The following MGAT4A variants were observed in gnomAD, a reference collection of about 807,000 sequenced individuals.
MGAT4A encodes the protein N-acetylglucosaminyltransferase IVa.
Under a neutral mutation model 74.1 loss-of-function variants are expected in MGAT4A, and 33 were observed. The observed-to-expected ratio is 0.45, with a 90% CI of 0.34 to 0.60. The LOEUF (loss-of-function observed/expected upper bound fraction) is 0.60, where lower values mean the gene tolerates loss of function less well. MGAT4A is among the 20% of genes least tolerant of loss of function. The pLI, the probability that MGAT4A is intolerant of heterozygous loss-of-function variation, is 0.02. For missense variants in MGAT4A, 479 were observed against 628.3 expected (o/e 0.76, Z 2.54); for synonymous variants, 198 against 210.4 (o/e 0.94, Z 0.51).
At chr2:98,668,638 G>A (rs1055724543) in intron 4 of MGAT4A, among the ~76,000 whole-genome samples, 28 of 152,304 alleles carry the variant, frequency 1.8e-4, no homozygotes, top group East Asian at 1.9e-4. Flanking sequence ...GAGGACCACC[G>A]TCCTCCAGAC....
Position 98,626,816 on chromosome 2 carries a change from T to G in MGAT4A, c.1469-981A>C, listed in dbSNP as rs376959750. Reference sequence around the variant, plus strand: ...CTATAATCAAAACTGACTGCAAATGTTCCCTTGTTATTGTTGATTGATAAT... The same window carrying G: ...CTATAATCAAAACTGACTGCAAATGGTCCCTTGTTATTGTTGATTGATAAT... On this transcript the variant is annotated intron_variant, in intron 14 of 15. Transcript: ENST00000393487. Among the ~76,000 whole-genome samples the G allele has an allele frequency of 1.9e-4, 29 of 152,318 alleles. No homozygotes were observed. In the East Asian group the frequency reaches 4.6e-3, roughly 24 times the overall value.
At chr2:98,668,818 C>T (rs1165295854) in intron 4 of MGAT4A, among the ~76,000 whole-genome samples, 2 of 152,232 alleles carry the variant, frequency 1.3e-5, no homozygotes, top group Non-Finnish European at 2.9e-5. Context: ...GTGACCTGGA[C>T]GTGAGACATG....
At chr2:98,682,174 G>C (rs193209600) in intron 2 of MGAT4A, among the ~76,000 whole-genome samples, 1,768 of 152,290 alleles carry the variant, frequency 0.012, 15 homozygotes, top group Middle Eastern at 0.027. Flanking sequence ...TGTAATCCCA[G>C]CACTTTGGGA....
In MGAT4A at chr2:98,624,336, CT is replaced by C; in HGVS notation, c.*1229del. ...GATAATTCATCATTTTTTAAAAGTACTTTTATAAAGATCACTGATTGCTGAG... is the reference window on the plus strand; with the variant it reads ...GATAATTCATCATTTTTTAAAAGTACTTTATAAAGATCACTGATTGCTGAG... On this transcript the variant is annotated 3_prime_UTR_variant, in exon 16 of 16. Coordinates refer to ENST00000393487, the MANE Select transcript of MGAT4A (RefSeq NM_012214.3). 1 of 974,748 alleles carries C rather than the reference CT, an allele frequency of 1.0e-6. No homozygotes were observed. Among genetic ancestry groups the C allele is most frequent in the Non-Finnish European group, 1.2e-6 (1 of 820,330 alleles). The allele number at this position is 974,748 out of a possible 1,614,324, so 60.4% of individuals were successfully genotyped here. A position where few individuals can be genotyped will look rare whatever the true frequency, so the allele number is the denominator to read the frequency against.
chr2:98,624,500 A>C lies in MGAT4A; in HGVS notation c.*1066T>G, dbSNP rs1022958599. 5.2e-6 allele frequency: 5 copies of C among 967,436 alleles called. No homozygotes were observed. Among genetic ancestry groups the C allele is most frequent in the South Asian group, 4.8e-5 (1 of 20,916 alleles). The allele number at this position is 967,436 out of a possible 1,614,324, so 59.9% of individuals were successfully genotyped here. Reference sequence around the variant, plus strand: ...AATCATTTTGGAAAATATACTACTAATAATATATTTCACCAAAAAACAATA... The same window carrying C: ...AATCATTTTGGAAAATATACTACTACTAATATATTTCACCAAAAAACAATA... On this transcript the variant is annotated 3_prime_UTR_variant, in exon 16 of 16. Coordinates refer to ENST00000393487, the MANE Select transcript of MGAT4A (RefSeq NM_012214.3).
chr2:98,721,143 A>T (rs575213153), intron 2 of MGAT4A, among the ~76,000 whole-genome samples: 4 of 152,382 alleles, frequency 2.6e-5, no homozygotes, highest in Admixed American at 2.6e-4. Flanking sequence ...CACAGTGTTC[A>T]AAACCAACAA....
chr2:98,621,731 C>G lies in MGAT4A; in HGVS notation c.*3835G>C. ...ATAATCTCTCCAAACGTGCTGTTTC[C>G]ACATAACCAGTCTTTTCTTTGAGGG... On this transcript the variant is annotated 3_prime_UTR_variant, in exon 16 of 16. Transcript: ENST00000393487. The G allele has an allele frequency of 8.1e-7, 1 of 1,242,136 alleles. No individual in the cohort carries two copies. The allele number at this position is 1,242,136 out of a possible 1,614,324, so 76.9% of individuals were successfully genotyped here.
At chr2:98,728,240 TCCA>T (rs1023378575) in intron 1 of MGAT4A, among the ~76,000 whole-genome samples, 3 of 152,162 alleles carry the variant, frequency 2.0e-5, no homozygotes, top group Admixed American at 2.0e-4. Flanking sequence ...ACCACAACCC[TCCA>T]CCAAACTATG....
chr2:98,709,762 A>G (rs1702491143), intron 2 of MGAT4A, among the ~76,000 whole-genome samples: 1 of 152,232 alleles, frequency 6.6e-6, no homozygotes, highest in East Asian at 1.9e-4. Context: ...CAAGCTTGCC[A>G]GGACAAACAA....
Position 98,728,711 on chromosome 2 carries a change from T to C in MGAT4A, c.-235-2144A>G, listed in dbSNP as rs550508175. Among the ~76,000 whole-genome samples the C allele has an allele frequency of 1.3e-3, 194 of 150,694 alleles. 1 individual carries two copies. Among genetic ancestry groups the C allele is most frequent in the African/African-American group, 4.4e-3 (178 of 40,754 alleles). ...TTGCAGTGAGCCGAGATCACACCAC[T>C]GCACTCCAGCCTGGGTGACAGAGAC... On this transcript the variant is annotated intron_variant, in intron 1 of 15. Transcript: ENST00000393487.
chr2:98,640,278 T>G (rs1424676245), intron 10 of MGAT4A, 50 bp from the exon 11 acceptor site: 1 of 1,430,804 alleles, frequency 7.0e-7, no homozygotes, highest in Non-Finnish European at 9.7e-7. Context: ...AGTGAAATCT[T>G]GCCCTCACCT....
intron 4 of MGAT4A, among the ~76,000 whole-genome samples, chr2:98,669,097 G>C (rs1466883057): frequency 6.6e-6 from 1 of 152,186 alleles, no homozygotes; most frequent in African/African-American, 2.4e-5. Flanking sequence ...TAAGACTTCA[G>C]GGGACTGTTG....
chr2:98,719,258 A>AG (rs1219431989), intron 2 of MGAT4A, among the ~76,000 whole-genome samples: 1 of 152,252 alleles, frequency 6.6e-6, no homozygotes, highest in African/African-American at 2.4e-5. Context: ...TAGGTGGAAA[A>AG]GAAAAAAAAG....
rs374172036 is a variant in MGAT4A, at chr2:98,673,684, CA to C, written c.403+1350del. On this transcript the variant is annotated intron_variant, in intron 4 of 15. Transcript: ENST00000393487. ...CAAAAGAAAGAGAATGTCACATTTACAAAATAAAAACCTATTAGAGACCTTG... is the reference window on the plus strand; with the variant it reads ...CAAAAGAAAGAGAATGTCACATTTACAAATAAAAACCTATTAGAGACCTTG... Among the ~76,000 whole-genome samples, 1,087 of 152,126 alleles carry C rather than the reference CA, an allele frequency of 7.1e-3. 10 individuals carry two copies. Among genetic ancestry groups the C allele is most frequent in the African/African-American group, 0.025 (1,029 of 41,528 alleles).
intron 10 of MGAT4A, among the ~76,000 whole-genome samples, chr2:98,642,357 C>T (rs1333731651): frequency 2.6e-5 from 4 of 152,134 alleles, no homozygotes; most frequent in Non-Finnish European, 4.4e-5. Context: ...ATAAATGATT[C>T]GAAGGGTTTC....
At chr2:98,631,298 T>C (rs1331364523) in intron 14 of MGAT4A, among the ~76,000 whole-genome samples, 3 of 152,152 alleles carry the variant, frequency 2.0e-5, no homozygotes, top group Non-Finnish European at 4.4e-5. Flanking sequence ...TTCAGGCCCC[T>C]CTCCAGGGCC....
In MGAT4A at chr2:98,621,699, CACTAGAATAAT is replaced by C; in HGVS notation, c.*3856_*3866del. ...CCTACCACAAATATACACTGTTATT[CACTAGAATAAT>C]CTCTCCAAACGTGCTGTTTCCACAT... is the stretch of plus-strand genomic sequence containing the variant. On this transcript the variant is annotated 3_prime_UTR_variant, in exon 16 of 16. Transcript: ENST00000393487. 1 of 1,370,276 alleles carries C rather than the reference CACTAGAATAAT, an allele frequency of 7.3e-7. No homozygotes were observed. The highest frequency in any genetic ancestry group is 1.5e-5 in the African/African-American group (1 of 67,402). 84.9% of individuals were successfully genotyped at this position (1,370,276 alleles called of 1,614,324 possible).
intron 10 of MGAT4A, among the ~76,000 whole-genome samples, chr2:98,641,346 C>T (rs1701405557): frequency 6.6e-6 from 1 of 151,686 alleles, no homozygotes; most frequent in Admixed American, 6.6e-5. Context: ...CGTGGTGAAA[C>T]CCTGTCTCTA....
Position 98,645,557 on chromosome 2 carries a change from A to ACAAT in MGAT4A, c.775-19_775-16dup. 6.6e-7 allele frequency: 1 copy of ACAAT among 1,515,918 alleles called. No individual in the cohort carries two copies. The highest frequency in any genetic ancestry group is 8.9e-7 in the Non-Finnish European group (1 of 1,123,686). The allele number at this position is 1,515,918 out of a possible 1,614,324, so 93.9% of individuals were successfully genotyped here. A position where few individuals can be genotyped will look rare whatever the true frequency, so the allele number is the denominator to read the frequency against. ...TCATCTTCAAGCTAGAGAAAATTGA[A>ACAAT]CAATCATATTAATACATCAAAAAAA... On this transcript the variant is annotated splice_polypyrimidine_tract_variant and intron_variant, in intron 8 of 15. Coordinates refer to ENST00000393487, the MANE Select transcript of MGAT4A (RefSeq NM_012214.3).
Sources: allele counts gnomAD v4.1 joint callset (sites outside exome capture counted in the v4.1 genomes callset), GRCh38; gene constraint gnomAD v4.1.1; transcripts MANE v1.5; gene names NCBI Gene and HGNC (gene_info 2026-07-23, HGNC 2026-07-21).